Variants in IFT52 observed in about 807,000 individuals in gnomAD.
IFT52 encodes the protein intraflagellar transport 52, also known as intraflagellar transport protein 52 homolog.
IFT52 carries 44 observed loss-of-function variants against 54.4 expected under a neutral mutation model. The ratio of observed to expected loss-of-function variants is 0.81; its 90% CI spans 0.63 to 1.04. IFT52 has a LOEUF of 1.04. Ranked by LOEUF, IFT52 falls within the 50% of genes least tolerant of loss-of-function variation. IFT52 has a pLI of 0.00. For synonymous variants in IFT52, 181 were observed against 185.3 expected (o/e 0.98, Z 0.19); for missense variants, 452 against 523.6 (o/e 0.86, Z 1.33).
At chr20:43,619,713 A>G (rs890061382) in intron 8 of IFT52, among the ~76,000 whole-genome samples, 1 of 152,150 alleles carries the variant, frequency 6.6e-6, no homozygotes, top group Non-Finnish European at 1.5e-5. Flanking sequence ...CCAAGGGAAC[A>G]TGTCTTACGG....
intron 10 of IFT52, among the ~76,000 whole-genome samples, chr20:43,624,964 A>G (rs544230113): frequency 9.2e-5 from 14 of 152,226 alleles, no homozygotes. Context: ...GCATGCTGCC[A>G]TTCTCCTTGT....
chr20:43,635,399 T>C (rs936367444), intron 10 of IFT52, among the ~76,000 whole-genome samples: 2 of 152,062 alleles, frequency 1.3e-5, no homozygotes, highest in African/African-American at 4.8e-5. Context: ...CAAGCGATTT[T>C]CCTGCCTCAG....
chr20:43,591,318 A>G (rs1200476717), intron 1 of IFT52, among the ~76,000 whole-genome samples: 1 of 152,204 alleles, frequency 6.6e-6, no homozygotes, highest in African/African-American at 2.4e-5. Context: ...TACAGTCTTA[A>G]TCTCTCTTCT....
chr20:43,613,852 C>T lies in IFT52; in HGVS notation c.488C>T (p.Ala163Val), dbSNP rs1336632328. ...TGTGTTTCTTTAATTTCTTACAGGG[C>T]TCTCACCTTTGTGTATCCTTTTGGT... ...DEESSGNNAQ[A>V]LTFVYPFGAT... Residue 163 changes from alanine to valine, a missense_variant and splice_region_variant, in exon 7 of 14, where the codon GCT becomes GTT. Coordinates refer to ENST00000373030, the MANE Select transcript of IFT52 (RefSeq NM_016004.5). 2 of 1,613,412 alleles carry T rather than the reference C, an allele frequency of 1.2e-6. No homozygotes were observed. Among genetic ancestry groups the T allele is most frequent in the South Asian group, 1.1e-5 (1 of 91,002 alleles).
intron 11 of IFT52, among the ~76,000 whole-genome samples, chr20:43,636,781 G>A (rs1469919432): frequency 6.6e-6 from 1 of 152,188 alleles, no homozygotes; most frequent in African/African-American, 2.4e-5. Flanking sequence ...CAAGCTTTGT[G>A]TCATCGTTCT....
At chr20:43,596,546 G>C in intron 3 of IFT52, 24 bp downstream of exon 3, 1 of 1,444,814 alleles carries the variant, frequency 6.9e-7, no homozygotes, top group Non-Finnish European at 9.7e-7. Context: ...ACTAAAGAAG[G>C]AATATGGTGA....
At chr20:43,607,945 G>C (rs1236379691) in intron 6 of IFT52, among the ~76,000 whole-genome samples, 1 of 152,226 alleles carries the variant, frequency 6.6e-6, no homozygotes, top group Non-Finnish European at 1.5e-5. Flanking sequence ...AGGAGCTGGA[G>C]ACCAGCCCAG....
intron 1 of IFT52, 83 bp from the exon 2 acceptor site, chr20:43,594,609 AG>A: frequency 1.4e-6 from 1 of 735,248 alleles, no homozygotes; most frequent in Middle Eastern, 2.6e-4. Context: ...TTGATAAATT[AG>A]TAGTAGAAGG....
At chr20:43,615,323 A>G (rs1039103352) in intron 7 of IFT52, among the ~76,000 whole-genome samples, 1 of 151,976 alleles carries the variant, frequency 6.6e-6, no homozygotes, top group African/African-American at 2.4e-5. Flanking sequence ...GATTATAGGC[A>G]TGAGCCACTG....
intron 9 of IFT52, among the ~76,000 whole-genome samples, chr20:43,621,364 G>A (rs1984290068): frequency 6.6e-6 from 1 of 152,174 alleles, no homozygotes; most frequent in South Asian, 2.1e-4. Context: ...AAGGGAAAGT[G>A]GTGAAACCAG....
chr20:43,596,388 G>C, intron 2 of IFT52, 47 bp from the exon 3 acceptor site: 1 of 1,194,162 alleles, frequency 8.4e-7, no homozygotes. Flanking sequence ...TACATAAATT[G>C]GTTTAAATTA....
intron 10 of IFT52, among the ~76,000 whole-genome samples, chr20:43,632,050 C>T (rs6031000): frequency 0.88 from 133,784 of 151,418 alleles, 59,299 homozygotes; most frequent in African/African-American, 0.96. Context: ...CTCAGCCTCC[C>T]GAGTAGCTGG....
intron 5 of IFT52, 25 bp downstream of exon 5, chr20:43,604,283 T>C (rs369833507): frequency 8.5e-5 from 132 of 1,552,510 alleles, no homozygotes; most frequent in Non-Finnish European, 1.1e-4. Context: ...AGCAGAAATA[T>C]CTTGGCAAGG....
chr20:43,612,461 G>C (rs1258626028), intron 6 of IFT52, among the ~76,000 whole-genome samples: 3 of 152,102 alleles, frequency 2.0e-5, no homozygotes, highest in African/African-American at 7.2e-5. Context: ...CGGAGGTCAA[G>C]GTGGGCGGAT....
intron 6 of IFT52, among the ~76,000 whole-genome samples, chr20:43,609,740 A>C (rs1983264467): frequency 7.1e-6 from 1 of 140,496 alleles, no homozygotes; most frequent in Admixed American, 8.1e-5. Context: ...ACACCATTGC[A>C]CTCCGGCCTG....
chr20:43,618,964 C>T lies in IFT52; in HGVS notation c.637C>T (p.Leu213Phe), dbSNP rs1984068157. The change falls in exon 8 of 14, where the codon CTT becomes TTT. Residue 213 changes from leucine (L) to phenylalanine (F), a missense_variant. Leu to Phe is a conservative substitution (Grantham distance 22). Transcript: ENST00000373030. ...GAACCAAGGTGGGAAGCTGGCAGTG[C>T]TTGGTTCATGTCACATGTTCAGTGA... ...SKNQGGKLAV[L>F]GSCHMFSDQY... The T allele has an allele frequency of 1.9e-6, 3 of 1,613,778 alleles. No individual in the cohort carries two copies. Among genetic ancestry groups the T allele is most frequent in the Admixed American group, 1.7e-5 (1 of 59,964 alleles).
intron 10 of IFT52, among the ~76,000 whole-genome samples, chr20:43,628,647 T>C (rs1053910753): frequency 1.3e-5 from 2 of 152,110 alleles, no homozygotes; most frequent in African/African-American, 4.8e-5. Context: ...GGTCAGGAGT[T>C]TGAGACCAGC....
At chr20:43,630,095 ACAG>A (rs57042569) in intron 10 of IFT52, among the ~76,000 whole-genome samples, 4,431 of 152,250 alleles carry the variant, frequency 0.029, 225 homozygotes, top group African/African-American at 0.092. Flanking sequence ...TCCACAGGTA[ACAG>A]CCTGGTCACA....
Position 43,620,637 on chromosome 20 carries a change from C to T in IFT52, c.700-220C>T, listed in dbSNP as rs754385749. 3.9e-5 allele frequency among the ~76,000 whole-genome samples: 6 copies of T among 152,282 alleles called. 1 individual carries two copies. The South Asian group carries it at 8.3e-4, about 21-fold the overall frequency. Reference sequence around the variant, plus strand: ...CGCCACCGCACTCTAACCAGGGCGACGGAGCGAGACTCTGTCTCAAAAATA... The same window carrying T: ...CGCCACCGCACTCTAACCAGGGCGATGGAGCGAGACTCTGTCTCAAAAATA... On this transcript the variant is annotated intron_variant, in intron 8 of 13. Coordinates refer to ENST00000373030, the MANE Select transcript of IFT52 (RefSeq NM_016004.5).
Sources: allele counts gnomAD v4.1 joint callset (sites outside exome capture counted in the v4.1 genomes callset), GRCh38; gene constraint gnomAD v4.1.1; transcripts MANE v1.5; gene names NCBI Gene and HGNC (gene_info 2026-07-23, HGNC 2026-07-21).